Variants in SERGEF observed in about 807,000 individuals in gnomAD.
SERGEF encodes secretion regulating guanine nucleotide exchange factor.
In SERGEF, 51 loss-of-function variants were observed where a neutral mutation model predicts 50.0. That is an observed-to-expected ratio of 1.02 (90% CI 0.81 to 1.29). The LOEUF (loss-of-function observed/expected upper bound fraction) is 1.29. Among genes scored for constraint, SERGEF ranks in the 50% most tolerant of loss-of-function variants. The probability of loss-of-function intolerance (pLI) is 0.00; values close to 1 mark genes in which losing one functional copy is unlikely to be tolerated. For synonymous variants in SERGEF, 205 were observed against 212.4 expected, an observed-to-expected ratio of 0.97 and a Z score of 0.30; for missense variants, 521 against 557.0, an observed-to-expected ratio of 0.94 and a Z score of 0.65.
intron 10 of SERGEF, among the ~76,000 whole-genome samples, chr11:17,874,968 T>TA (rs1851214467): frequency 1.3e-5 from 2 of 152,238 alleles, no homozygotes; most frequent in Non-Finnish European, 2.9e-5. Flanking sequence ...ATTGAGTCTT[T>TA]ACTTTTGTGT....
At chr11:17,825,136 C>G (rs1034522004) in intron 10 of SERGEF, among the ~76,000 whole-genome samples, 3 of 152,202 alleles carry the variant, frequency 2.0e-5, no homozygotes, top group African/African-American at 7.2e-5. Flanking sequence ...CAAACATTTA[C>G]TGAGCATCTA....
intron 1 of SERGEF, among the ~76,000 whole-genome samples, chr11:18,008,408 C>T (rs1293148601): frequency 6.6e-6 from 1 of 152,188 alleles, no homozygotes; most frequent in Non-Finnish European, 1.5e-5. Flanking sequence ...GGCACCCTGG[C>T]AGGCTTAATT....
rs541697224 is a variant in SERGEF at position 17,804,281 on chromosome 11, G to A, written c.1049-15868C>T. Among the ~76,000 whole-genome samples, 22 of 152,270 alleles carry A rather than the reference G, an allele frequency of 1.4e-4. 1 individual carries two copies. The South Asian group carries it at 4.6e-3, about 32-fold the overall frequency. Reference sequence around the variant, plus strand: ...CTGTAGGAGTTAGACTCGCTAAATTGTTTTCAATCTCCCAGTGCATGAAAC... The same window carrying A: ...CTGTAGGAGTTAGACTCGCTAAATTATTTTCAATCTCCCAGTGCATGAAAC... On this transcript the variant is annotated intron_variant, in intron 10 of 10. Transcript: ENST00000265965.
chr11:17,881,218 G>C (rs1851326921), intron 9 of SERGEF, among the ~76,000 whole-genome samples: 2 of 152,196 alleles, frequency 1.3e-5, no homozygotes, highest in African/African-American at 4.8e-5. Context: ...AAAATGCAGA[G>C]AGAGAAAAGC....
At chr11:17,891,920 C>G (rs1319448002) in intron 9 of SERGEF, among the ~76,000 whole-genome samples, 2 of 152,202 alleles carry the variant, frequency 1.3e-5, no homozygotes, top group African/African-American at 4.8e-5. Context: ...CTTCTTTGGT[C>G]TCCTTGTCTA....
intron 1 of SERGEF, 192 bp downstream of exon 1, chr11:18,012,759 G>T: frequency 7.0e-7 from 1 of 1,421,944 alleles, no homozygotes; most frequent in Non-Finnish European, 9.3e-7. Context: ...TAAGTCGACC[G>T]CGAAGACCCT....
At chr11:17,911,996 A>T (rs1851963381) in intron 9 of SERGEF, among the ~76,000 whole-genome samples, 1 of 152,210 alleles carries the variant, frequency 6.6e-6, no homozygotes, top group Non-Finnish European at 1.5e-5. Context: ...TTCAGCAAAT[A>T]GTCAAAAACA....
At chr11:17,800,787 A>G (rs1041731393) in intron 10 of SERGEF, among the ~76,000 whole-genome samples, 1 of 152,204 alleles carries the variant, frequency 6.6e-6, no homozygotes, top group African/African-American at 2.4e-5. Flanking sequence ...CAGGCAGAAG[A>G]AATGACAATA....
At chr11:17,812,012 C>G (rs1272653472) in intron 10 of SERGEF, among the ~76,000 whole-genome samples, 1 of 152,156 alleles carries the variant, frequency 6.6e-6, no homozygotes, top group African/African-American at 2.4e-5. Context: ...AGGTGCAGTT[C>G]CAGTGCTTGC....
At position 17,865,736 on chromosome 11, in the gene SERGEF, T is replaced by C. The variant is rs1014290004; in HGVS notation, c.1048+12472A>G. Among the ~76,000 whole-genome samples, 4 of 152,190 alleles carry C rather than the reference T, an allele frequency of 2.6e-5. No homozygotes were observed. In the South Asian group the frequency reaches 6.2e-4, roughly 24 times the overall value. On this transcript the variant is annotated intron_variant, in intron 10 of 10. Coordinates refer to ENST00000265965, the MANE Select transcript of SERGEF (RefSeq NM_012139.4). ...CTGTGTTATTACAAGAGTAAAAAAG[T>C]TTTTTAAAGTTCATAAAGCAACATG...
At position 18,004,514 on chromosome 11, in the gene SERGEF, C is replaced by T. The variant is rs1424539299; in HGVS notation, c.374G>A (p.Cys125Tyr). 1 of 1,613,036 alleles carries T rather than the reference C, an allele frequency of 6.2e-7. No individual in the cohort carries two copies. The highest frequency in any genetic ancestry group is 8.5e-7 in the Non-Finnish European group (1 of 1,179,458). Reference sequence around the variant, plus strand: ...TAACTGGCCAAAGGAGTTGGATCCACATGATAGAACTTGACCATTTTCTGC... The same window carrying T: ...TAACTGGCCAAAGGAGTTGGATCCATATGATAGAACTTGACCATTTTCTGC... ...MLTENGQVLS[C>Y]GSNSFGQLGV... Residue 125 changes from cysteine (C) to tyrosine (Y), a missense_variant, in exon 4 of 11, where the codon TGT (cysteine) becomes TAT (tyrosine). Physicochemically the swap from Cys to Tyr is radical, Grantham distance 194. Coordinates refer to ENST00000265965, the MANE Select transcript of SERGEF (RefSeq NM_012139.4).
At chr11:17,969,297 T>C (rs570642180) in intron 8 of SERGEF, among the ~76,000 whole-genome samples, 3 of 152,210 alleles carry the variant, frequency 2.0e-5, no homozygotes, top group Non-Finnish European at 1.5e-5. Flanking sequence ...ACTCTACAGA[T>C]GTTTCCCAAC....
At chr11:18,009,120 C>T (rs1854143853) in intron 1 of SERGEF, among the ~76,000 whole-genome samples, 4 of 152,160 alleles carry the variant, frequency 2.6e-5, no homozygotes, top group Admixed American at 1.3e-4. Flanking sequence ...TAATAATTCG[C>T]TCACCAGAAG....
At chr11:17,995,229 G>C (rs1006526439) in intron 6 of SERGEF, among the ~76,000 whole-genome samples, 42 of 152,180 alleles carry the variant, frequency 2.8e-4, no homozygotes, top group African/African-American at 9.6e-4. Context: ...CGCGTAGAGA[G>C]ATTTCCCTGT....
rs573001403 is a variant in SERGEF, at chr11:17,907,015, C to T, written c.1012-28771G>A. 5.9e-5 allele frequency among the ~76,000 whole-genome samples: 9 copies of T among 152,172 alleles called. No individual in the cohort carries two copies. In the South Asian group the frequency reaches 1.9e-3, roughly 32 times the overall value. ...GGAAGAGCACTAGGCTATAAGTCTG[C>T]AGGCCCTTCTTCTCCTCGCCCAGTC... On this transcript the variant is annotated intron_variant, in intron 9 of 10. Coordinates refer to ENST00000265965, the MANE Select transcript of SERGEF (RefSeq NM_012139.4).
At chr11:17,798,491 G>A (rs2133823459) in intron 10 of SERGEF, among the ~76,000 whole-genome samples, 1 of 152,376 alleles carries the variant, frequency 6.6e-6, no homozygotes, top group East Asian at 1.9e-4. Context: ...CCAGGAGTAG[G>A]AGGCTGCTGA....
intron 10 of SERGEF, among the ~76,000 whole-genome samples, chr11:17,841,864 C>A (rs576882859): frequency 6.6e-6 from 1 of 152,058 alleles, no homozygotes; most frequent in African/African-American, 2.4e-5. Context: ...TGTCCATATG[C>A]CTAGAAAGCT....
At chr11:17,927,023 G>A (rs1324069494) in intron 9 of SERGEF, among the ~76,000 whole-genome samples, 6 of 152,168 alleles carry the variant, frequency 3.9e-5, no homozygotes, top group African/African-American at 1.4e-4. Flanking sequence ...TCCAACTCCA[G>A]GCCCCTGACA....
intron 10 of SERGEF, among the ~76,000 whole-genome samples, chr11:17,858,317 G>A (rs930159942): frequency 7.2e-5 from 11 of 152,156 alleles, no homozygotes; most frequent in African/African-American, 2.7e-4. Flanking sequence ...GTCATCAGAG[G>A]GTGGGAGTGA....
Sources: allele counts gnomAD v4.1 joint callset (sites outside exome capture counted in the v4.1 genomes callset), GRCh38; gene constraint gnomAD v4.1.1; transcripts MANE v1.5; gene names NCBI Gene and HGNC (gene_info 2026-07-23, HGNC 2026-07-21).